Variants in GRIN2A observed in about 807,000 individuals in gnomAD.
GRIN2A encodes glutamate ionotropic receptor NMDA type subunit 2A.
In GRIN2A, 22 loss-of-function variants were observed where a neutral mutation model predicts 113.4. The observed-to-expected ratio is 0.19, with a 90% CI of 0.14 to 0.28. The LOEUF is 0.28. Ranked by LOEUF, GRIN2A falls within the 10% of genes least tolerant of loss-of-function variation. The pLI, the probability that GRIN2A is intolerant of heterozygous loss-of-function variation, is 1.00. For missense variants in GRIN2A, 1,502 were observed against 1,887.0 expected (o/e 0.80, Z 3.78); for synonymous variants, 827 against 738.4 (o/e 1.12, Z -1.94).
intron 2 of GRIN2A, among the ~76,000 whole-genome samples, chr16:9,984,059 T>G (rs2045938727): frequency 6.6e-6 from 1 of 152,250 alleles, no homozygotes; most frequent in Non-Finnish European, 1.5e-5. Context: ...TGCCAGTATT[T>G]ACTTTTTGTA....
chr16:9,875,212 C>A (rs1216462965), intron 4 of GRIN2A, among the ~76,000 whole-genome samples: 1 of 151,914 alleles, frequency 6.6e-6, no homozygotes, highest in Non-Finnish European at 1.5e-5. Context: ...AATCTATAGC[C>A]CCTAGGCCAT....
chr16:9,774,793 T>A (rs745602616), intron 11 of GRIN2A, among the ~76,000 whole-genome samples: 14 of 152,204 alleles, frequency 9.2e-5, no homozygotes, highest in Non-Finnish European at 1.6e-4. Context: ...CATACACTAA[T>A]TACAAAATCA....
intron 2 of GRIN2A, among the ~76,000 whole-genome samples, chr16:9,976,076 T>C (rs1036110482): frequency 6.6e-6 from 1 of 152,244 alleles, no homozygotes; most frequent in Non-Finnish European, 1.5e-5. Context: ...ATCACAGATA[T>C]TTCCCATTAT....
intron 10 of GRIN2A, among the ~76,000 whole-genome samples, chr16:9,807,375 A>G (rs1242135199): frequency 6.3e-4 from 21 of 33,094 alleles, no homozygotes; most frequent in Non-Finnish European, 9.6e-4. Context: ...AGGGGGAGGG[A>G]GAGGGGGAGG....
At chr16:9,874,484 G>A (rs2043327183) in intron 4 of GRIN2A, among the ~76,000 whole-genome samples, 1 of 152,214 alleles carries the variant, frequency 6.6e-6, no homozygotes, top group East Asian at 1.9e-4. Flanking sequence ...ACCTGTAATA[G>A]TCCTTCTTGC....
At chr16:10,130,813 C>G (rs2049046004) in intron 2 of GRIN2A, among the ~76,000 whole-genome samples, 1 of 152,184 alleles carries the variant, frequency 6.6e-6, no homozygotes, top group South Asian at 2.1e-4. Flanking sequence ...AGCAGGTCCC[C>G]AGGAAAGTAA....
chr16:10,152,001 A>G (rs1251471556), intron 2 of GRIN2A, among the ~76,000 whole-genome samples: 1 of 152,212 alleles, frequency 6.6e-6, no homozygotes, highest in Admixed American at 6.5e-5. Context: ...CCATGTCTAC[A>G]GAGATGCTGC....
chr16:10,004,322 G>A (rs899452869), intron 2 of GRIN2A, among the ~76,000 whole-genome samples: 4 of 151,730 alleles, frequency 2.6e-5, no homozygotes, highest in Non-Finnish European at 5.9e-5. Flanking sequence ...CCGGGAGGCA[G>A]AGGTTACAGT....
intron 6 of GRIN2A, 51 bp from the exon 7 acceptor site, chr16:9,840,851 A>C (rs1355746746): frequency 6.3e-7 from 1 of 1,594,790 alleles, no homozygotes; most frequent in South Asian, 1.1e-5. Flanking sequence ...AGAGAACAAC[A>C]GTACTTTACT....
chr16:9,816,296 T>C (rs2042184234), intron 10 of GRIN2A, among the ~76,000 whole-genome samples: 1 of 152,180 alleles, frequency 6.6e-6, no homozygotes, highest in Non-Finnish European at 1.5e-5. Context: ...TAAAAAATAC[T>C]GGGAAAAAAG....
At chr16:9,929,397 C>T (rs1204239557) in intron 3 of GRIN2A, among the ~76,000 whole-genome samples, 2 of 152,230 alleles carry the variant, frequency 1.3e-5, no homozygotes, top group Non-Finnish European at 2.9e-5. Context: ...CCACCATCTA[C>T]TCAGCTATAC....
At chr16:9,903,655 T>G (rs1430699391) in intron 3 of GRIN2A, among the ~76,000 whole-genome samples, 1 of 152,268 alleles carries the variant, frequency 6.6e-6, no homozygotes, top group East Asian at 1.9e-4. Context: ...AAATAATACC[T>G]CTTCCACAAA....
At chr16:9,876,144 G>C (rs986059750) in intron 4 of GRIN2A, among the ~76,000 whole-genome samples, 1 of 152,036 alleles carries the variant, frequency 6.6e-6, no homozygotes, top group East Asian at 1.9e-4. Flanking sequence ...AAAACCCCTC[G>C]TGGCTTGGAT....
chr16:9,991,512 A>T (rs2046112086), intron 2 of GRIN2A, among the ~76,000 whole-genome samples: 1 of 152,190 alleles, frequency 6.6e-6, no homozygotes, highest in African/African-American at 2.4e-5. Flanking sequence ...AAAAGTGTCT[A>T]TTGTACCCAT....
Position 10,009,329 on chromosome 16 carries a change from T to C in GRIN2A, c.415-70778A>G, listed in dbSNP as rs72774060. Among the ~76,000 whole-genome samples the C allele has an allele frequency of 3.9e-3, 601 of 152,252 alleles. 6 individuals carry two copies. Among genetic ancestry groups the C allele is most frequent in the Middle Eastern group, 0.01 (3 of 294 alleles). ...ATAAATATTTTTAAAAATGTAATCA[T>C]AGAAACACAATAGAGTTGACACACA... is the stretch of plus-strand genomic sequence containing the variant. On this transcript the variant is annotated intron_variant, in intron 2 of 12. Coordinates refer to ENST00000330684, the MANE Select transcript of GRIN2A (RefSeq NM_001134407.3).
chr16:10,131,590 G>A (rs1014523122), intron 2 of GRIN2A, among the ~76,000 whole-genome samples: 1 of 152,094 alleles, frequency 6.6e-6, no homozygotes, highest in Non-Finnish European at 1.5e-5. Context: ...CAAGACTAGA[G>A]TAGGAAAGTA....
chr16:9,802,418 T>C (rs866703824), intron 10 of GRIN2A, among the ~76,000 whole-genome samples: 10 of 152,190 alleles, frequency 6.6e-5, no homozygotes, highest in African/African-American at 2.4e-4. Flanking sequence ...ACCATTATCC[T>C]GAGCAAACTG....
chr16:10,045,106 T>C (rs1470840705), intron 2 of GRIN2A, among the ~76,000 whole-genome samples: 1 of 152,228 alleles, frequency 6.6e-6, no homozygotes, highest in African/African-American at 2.4e-5. Flanking sequence ...GTTGATGTCA[T>C]AGGCTTCTTC....
intron 11 of GRIN2A, among the ~76,000 whole-genome samples, chr16:9,770,765 T>C (rs1207924328): frequency 6.6e-6 from 1 of 152,228 alleles, no homozygotes; most frequent in Non-Finnish European, 1.5e-5. Context: ...TATCATATCT[T>C]TTTTAAAAAG....
Sources: allele counts gnomAD v4.1 joint callset (sites outside exome capture counted in the v4.1 genomes callset), GRCh38; gene constraint gnomAD v4.1.1; transcripts MANE v1.5; gene names NCBI Gene and HGNC (gene_info 2026-07-23, HGNC 2026-07-21).